Variants in GPC5 observed in about 807,000 individuals in gnomAD.
The protein encoded by GPC5 is glypican 5.
In GPC5, 47 loss-of-function variants were observed where a neutral mutation model predicts 53.9. That is an observed-to-expected ratio of 0.87 (90% CI 0.69 to 1.11). GPC5 has a LOEUF of 1.11. Ranked by LOEUF, GPC5 falls within the 50% of genes most tolerant of loss-of-function variation. The pLI is 0.00. For synonymous variants in GPC5, 286 were observed against 263.3 expected, an observed-to-expected ratio of 1.09 and a Z score of -0.84; for missense variants, 748 against 713.1, an observed-to-expected ratio of 1.05 and a Z score of -0.56.
intron 7 of GPC5, among the ~76,000 whole-genome samples, chr13:92,356,342 C>A (rs1391758715): frequency 6.6e-6 from 1 of 152,124 alleles, no homozygotes; most frequent in Non-Finnish European, 1.5e-5. Flanking sequence ...CTATTAAGTT[C>A]TTTAGCTTTA....
At chr13:91,903,182 A>G (rs1425503270) in intron 5 of GPC5, among the ~76,000 whole-genome samples, 1 of 152,102 alleles carries the variant, frequency 6.6e-6, no homozygotes, top group African/African-American at 2.4e-5. Flanking sequence ...AGTAAATTAG[A>G]TCATAGAATA....
chr13:92,082,384 C>T (rs567414086), intron 6 of GPC5, among the ~76,000 whole-genome samples: 1 of 152,178 alleles, frequency 6.6e-6, no homozygotes, highest in South Asian at 2.1e-4. Context: ...TTTGTAGCCT[C>T]CTCGTGATTT....
chr13:92,437,729 C>T (rs1181695793), intron 7 of GPC5, among the ~76,000 whole-genome samples: 1 of 151,916 alleles, frequency 6.6e-6, no homozygotes, highest in African/African-American at 2.4e-5. Flanking sequence ...TCAATTGGGT[C>T]CTCTGTATAA....
chr13:91,920,926 C>CTTTTTT (rs869309251), intron 6 of GPC5, among the ~76,000 whole-genome samples: 10 of 32,162 alleles, frequency 3.1e-4, no homozygotes, highest in African/African-American at 9.7e-4. Flanking sequence ...CTCTCTCTCT[C>CTTTTTT]TTTTTTTTTT....
chr13:91,600,305 C>CAGAGAGAGAG (rs67108031), intron 2 of GPC5, among the ~76,000 whole-genome samples: 1 of 146,550 alleles, frequency 6.8e-6, no homozygotes, highest in African/African-American at 2.6e-5. Context: ...GTTCATTTTA[C>CAGAGAGAGAG]AGAGAGAGAG....
At chr13:91,533,052 T>G (rs1299053494) in intron 2 of GPC5, among the ~76,000 whole-genome samples, 2 of 152,212 alleles carry the variant, frequency 1.3e-5, no homozygotes, top group Non-Finnish European at 2.9e-5. Flanking sequence ...CTCTGGAAGA[T>G]AAGAACTTTT....
intron 7 of GPC5, among the ~76,000 whole-genome samples, chr13:92,405,451 C>CT (rs932044274): frequency 3.4e-4 from 52 of 152,296 alleles, no homozygotes; most frequent in African/African-American, 1.2e-3. Context: ...AATGAAATGT[C>CT]TTTATTAGAG....
At chr13:92,300,745 G>A (rs986279279) in intron 7 of GPC5, among the ~76,000 whole-genome samples, 2 of 152,144 alleles carry the variant, frequency 1.3e-5, no homozygotes, top group Non-Finnish European at 2.9e-5. Flanking sequence ...GCAATATTGT[G>A]TAAGCTTTTC....
Position 92,865,187 on chromosome 13 carries a change from G to A in GPC5, c.1562-1095G>A, listed in dbSNP as rs184092657. Among the ~76,000 whole-genome samples the A allele has an allele frequency of 1.9e-3, 287 of 152,194 alleles. 1 individual carries two copies. Among genetic ancestry groups the A allele is most frequent in the African/African-American group, 6.7e-3 (277 of 41,532 alleles). ...CAACTTGTCAGGTTTCATAACGTAC[G>A]GAAGTAATAACCAGAATGCGACTGG... On this transcript the variant is annotated intron_variant, in intron 7 of 7. Transcript: ENST00000377067.
intron 7 of GPC5, among the ~76,000 whole-genome samples, chr13:92,844,399 T>C (rs768944022): frequency 1.3e-5 from 2 of 152,152 alleles, no homozygotes; most frequent in Non-Finnish European, 2.9e-5. Context: ...GGTCTGCAAG[T>C]ACAGAATGTG....
intron 1 of GPC5, among the ~76,000 whole-genome samples, chr13:91,411,346 G>A (rs1877770033): frequency 6.6e-6 from 1 of 152,182 alleles, no homozygotes; most frequent in African/African-American, 2.4e-5. Context: ...GTCTTGGCAA[G>A]TCCCCTATAT....
chr13:91,873,251 G>A (rs1194145320), intron 5 of GPC5, among the ~76,000 whole-genome samples: 4 of 152,168 alleles, frequency 2.6e-5, no homozygotes, highest in Non-Finnish European at 5.9e-5. Context: ...ATTTTGCATA[G>A]TGATTAAGAG....
intron 7 of GPC5, among the ~76,000 whole-genome samples, chr13:92,682,656 A>G (rs1353470296): frequency 6.6e-6 from 1 of 152,214 alleles, no homozygotes; most frequent in African/African-American, 2.4e-5. Context: ...TTATTGCAAT[A>G]CAATTACTGA....
intron 5 of GPC5, among the ~76,000 whole-genome samples, chr13:91,872,742 G>GATATATTTGCATATTTTAT (rs2039160622): frequency 6.6e-6 from 1 of 152,054 alleles, no homozygotes; most frequent in Admixed American, 6.6e-5. Context: ...AAGAAAACTT[G>GATATATTTGCATATTTTAT]ATACATTTGC....
At chr13:92,799,197 T>C (rs962316929) in intron 7 of GPC5, among the ~76,000 whole-genome samples, 1 of 151,810 alleles carries the variant, frequency 6.6e-6, no homozygotes, top group Admixed American at 6.6e-5. Context: ...GCTGGCCTTA[T>C]GGTTAATTTC....
rs138211592 is a variant in GPC5, at chr13:91,913,071, G to A, written c.1401+5014G>A. ...TGTCACCTGGGAGTACTCCAAGGAC[G>A]GCCAAAAGAAATATTTTAGTTAGAA... On this transcript the variant is annotated intron_variant, in intron 6 of 7. Transcript: ENST00000377067. Among the ~76,000 whole-genome samples the A allele has an allele frequency of 7.3e-3, 1,117 of 152,092 alleles. 9 individuals are homozygous for A. Among genetic ancestry groups the A allele is most frequent in the Non-Finnish European group, 0.012 (828 of 68,000 alleles).
chr13:92,478,713 T>C (rs1419199410), intron 7 of GPC5, among the ~76,000 whole-genome samples: 1 of 152,140 alleles, frequency 6.6e-6, no homozygotes, highest in East Asian at 1.9e-4. Context: ...CAGTTACACC[T>C]CTGCTGTGAT....
chr13:91,480,416 A>T (rs1417987412), intron 2 of GPC5, among the ~76,000 whole-genome samples: 2 of 152,186 alleles, frequency 1.3e-5, no homozygotes, highest in Admixed American at 6.6e-5. Flanking sequence ...ATAAAGAGCG[A>T]TGAGTGGTGA....
chr13:92,273,831 T>A (rs769020693), intron 7 of GPC5, among the ~76,000 whole-genome samples: 1 of 152,062 alleles, frequency 6.6e-6, no homozygotes. Context: ...CAGTCATAGA[T>A]GAAGAGAAAG....
Sources: gnomAD v4.1 joint callset for allele counts (sites outside exome capture counted in the v4.1 genomes callset) on GRCh38, gnomAD v4.1.1 for gene constraint, MANE v1.5 for transcripts, NCBI Gene and HGNC (gene_info 2026-07-23, HGNC 2026-07-21) for gene names.